The following CCL3L3 variants were observed in gnomAD, a reference collection of about 807,000 sequenced individuals.
The protein encoded by CCL3L3 is C-C motif chemokine ligand 3 like 3.
Under a neutral mutation model 9.0 loss-of-function variants are expected in CCL3L3, and 6 were observed. That is an observed-to-expected ratio of 0.67 (90% CI 0.37 to 1.32). CCL3L3 has a LOEUF of 1.32. Among genes scored for constraint, CCL3L3 ranks in the 40% most tolerant of loss-of-function variants. The pLI, the probability that CCL3L3 is intolerant of heterozygous loss-of-function variation, is 0.02. For synonymous variants in CCL3L3, 38 were observed against 45.7 expected, an observed-to-expected ratio of 0.83 and a Z score of 0.68; for missense variants, 93 against 117.0, an observed-to-expected ratio of 0.79 and a Z score of 0.95.
intron 2 of CCL3L3, 72 bp from the exon 3 acceptor site, chr17:36,195,448 A>C (rs1282991600): frequency 4.6e-6 from 7 of 1,529,174 alleles, no homozygotes; most frequent in Non-Finnish European, 2.7e-6. Flanking sequence ...CATGGCCCTG[A>C]CATCCTGCTC....
At position 36,196,071 on chromosome 17, in the gene CCL3L3, A is replaced by G. The variant is rs1167331873; in HGVS notation, c.77-159T>C. The G allele has an allele frequency of 7.0e-6, 6 of 853,950 alleles. No homozygotes were observed. In the East Asian group the frequency reaches 9.7e-5, roughly 14 times the overall value. 52.9% of individuals were successfully genotyped at this position (853,950 alleles called of 1,614,324 possible). ...GAGAAATGTCTCTTTGTTTCTGTCT[A>G]TATTCCTCTTTCCCCTTGACTCTTC... On this transcript the variant is annotated intron_variant, in intron 1 of 2. Coordinates refer to ENST00000619989, the MANE Select transcript of CCL3L3 (RefSeq NM_001001437.4).
rs866793378 is a variant in CCL3L3, at chr17:36,194,885, A to G, written c.*401T>C. Reference sequence around the variant, plus strand: ...CAATACTGGTTTACCGTTTAAAAGAACATCTTTATTATTTCCCCAGGCCGA... The same window carrying G: ...CAATACTGGTTTACCGTTTAAAAGAGCATCTTTATTATTTCCCCAGGCCGA... On this transcript the variant is annotated 3_prime_UTR_variant, in exon 3 of 3. Coordinates refer to ENST00000619989, the MANE Select transcript of CCL3L3 (RefSeq NM_001001437.4). The G allele has an allele frequency of 6.2e-5, 13 of 210,158 alleles. 2 individuals carry two copies. The highest frequency in any genetic ancestry group is 1.2e-4 in the Non-Finnish European group (11 of 95,586). 13.0% of individuals were successfully genotyped at this position (210,158 alleles called of 1,614,324 possible).
At chr17:36,196,430 C>A in intron 1 of CCL3L3, 168 bp downstream of exon 1, 1 of 898,536 alleles carries the variant, frequency 1.1e-6, no homozygotes, top group Non-Finnish European at 1.8e-6. Flanking sequence ...GGCTAAGACC[C>A]CTTCTAGAGA....
intron 1 of CCL3L3, 31 bp from the exon 2 acceptor site, chr17:36,195,943 C>G: frequency 6.4e-7 from 1 of 1,568,332 alleles, no homozygotes; most frequent in Non-Finnish European, 8.7e-7. Context: ...AAGCCCGAGT[C>G]ACAGCTCAGA....
chr17:36,196,059 TTGTTTC>T, intron 1 of CCL3L3, 147 bp from the exon 2 acceptor site: 1 of 945,664 alleles, frequency 1.1e-6, no homozygotes, highest in Non-Finnish European at 1.7e-6. Context: ...AAATGTCTCT[TTGTTTC>T]TGTCTATATT....
At chr17:36,196,345 C>T (rs1216079756) in intron 1 of CCL3L3, 4 of 688,994 alleles carry the variant, frequency 5.8e-6, no homozygotes, top group Non-Finnish European at 1.1e-5. Flanking sequence ...TCGTTTTGAA[C>T]CCTGTTTTTC....
chr17:36,196,536 GA>G (rs2068622973), intron 1 of CCL3L3, 61 bp downstream of exon 1: 9 of 1,535,880 alleles, frequency 5.9e-6, no homozygotes, highest in Non-Finnish European at 8.1e-6. Flanking sequence ...CACAAAAAAA[GA>G]CTGATGTGGT....
Position 36,195,648 on chromosome 17 carries a change from C to T in CCL3L3, c.191+150G>A, listed in dbSNP as rs2068612909. On this transcript the variant is annotated intron_variant, in intron 2 of 2. Coordinates refer to ENST00000619989, the MANE Select transcript of CCL3L3 (RefSeq NM_001001437.4). ...TGTAACACCCACCTCACTCCAGCCC[C>T]AAGTCAGGTCACACCTCAGTGCCCT... 7.0e-5 allele frequency: 83 copies of T among 1,181,744 alleles called. No homozygotes were observed. In the South Asian group the frequency reaches 1.0e-3, roughly 14 times the overall value. 73.2% of individuals were successfully genotyped at this position (1,181,744 alleles called of 1,614,324 possible).
chr17:36,195,158 CTGTT>C lies in CCL3L3; in HGVS notation c.*124_*127del. On this transcript the variant is annotated 3_prime_UTR_variant, in exon 3 of 3. Coordinates refer to ENST00000619989, the MANE Select transcript of CCL3L3 (RefSeq NM_001001437.4). ...AGTTAAGAAGAGTCCCACAGTGTGGCTGTTTGGCAATAACCAGTCCATAGAAGAG... is the reference window on the plus strand; with the variant it reads ...AGTTAAGAAGAGTCCCACAGTGTGGCTGGCAATAACCAGTCCATAGAAGAG... 1 of 1,068,928 alleles carries C rather than the reference CTGTT, an allele frequency of 9.4e-7. No homozygotes were observed. Among genetic ancestry groups the C allele is most frequent in the Non-Finnish European group, 1.5e-6 (1 of 685,458 alleles). The allele number at this position is 1,068,928 out of a possible 1,614,324, so 66.2% of individuals were successfully genotyped here.
intron 2 of CCL3L3, 112 bp downstream of exon 2, chr17:36,195,686 C>T (rs1321335655): frequency 1.4e-6 from 2 of 1,383,636 alleles, no homozygotes; most frequent in Non-Finnish European, 1.0e-6. Context: ...GTCCTGTATC[C>T]CCGATAGGCT....
In CCL3L3 at chr17:36,195,068, A is replaced by T; in HGVS notation, c.*218T>A. ...GGGGGAACTCTCAGAGCAAACAATC[A>T]CAAACACACTGTGAAATCAAAAATA... is the stretch of plus-strand genomic sequence containing the variant. On this transcript the variant is annotated 3_prime_UTR_variant, in exon 3 of 3. Transcript: ENST00000619989. 3.7e-6 allele frequency: 2 copies of T among 547,410 alleles called. No homozygotes were observed. The highest frequency in any genetic ancestry group is 3.3e-5 in the Admixed American group (1 of 29,882). The allele number at this position is 547,410 out of a possible 1,614,324, so 33.9% of individuals were successfully genotyped here. A position where few individuals can be genotyped will look rare whatever the true frequency, so the allele number is the denominator to read the frequency against.
intron 1 of CCL3L3, chr17:36,196,201 A>C (rs1278775493): frequency 9.5e-6 from 6 of 631,910 alleles, no homozygotes; most frequent in African/African-American, 3.5e-5. Context: ...ACCCCAGCCC[A>C]AGAGAAGCCC....
intron 2 of CCL3L3, 136 bp downstream of exon 2, chr17:36,195,662 C>T (rs1187304110): frequency 7.2e-6 from 9 of 1,257,958 alleles, no homozygotes; most frequent in South Asian, 2.4e-5. Context: ...TCAGGTCACA[C>T]CTCAGTGCCC....
Position 36,195,222 on chromosome 17 carries a change from T to G in CCL3L3, c.*64A>C, listed in dbSNP as rs1179498915. 2 of 1,527,742 alleles carry G rather than the reference T, an allele frequency of 1.3e-6. No homozygotes were observed. Among genetic ancestry groups the G allele is most frequent in the Non-Finnish European group, 1.8e-6 (2 of 1,107,206 alleles). 94.6% of individuals were successfully genotyped at this position (1,527,742 alleles called of 1,614,324 possible). A position where few individuals can be genotyped will look rare whatever the true frequency, so the allele number is the denominator to read the frequency against. On this transcript the variant is annotated 3_prime_UTR_variant, in exon 3 of 3. Coordinates refer to ENST00000619989, the MANE Select transcript of CCL3L3 (RefSeq NM_001001437.4). ...GAGGTCACACGCATGTTCCCAAGGC[T>G]CAGGCTCCTGCTCCTCCCCACTGGG...
intron 2 of CCL3L3, chr17:36,195,587 C>T (rs2277661): frequency 0.8 from 796,432 of 998,996 alleles, 311,279 homozygotes; most frequent in Middle Eastern, 0.83. Flanking sequence ...TTCTTCCTGT[C>T]CCTTTCCTCT....
rs1263453806 is a variant in CCL3L3 at position 36,196,366 on chromosome 17, A to G, written c.76+232T>C. The G allele has an allele frequency of 5.6e-6, 4 of 708,706 alleles. No individual in the cohort carries two copies. In the African/African-American group the frequency reaches 6.6e-5, roughly 12 times the overall value. 43.9% of individuals were successfully genotyped at this position (708,706 alleles called of 1,614,324 possible). ...TGAACCCTGTTTTTCTATCTGTACA[A>G]GGGACTGTAACTCCCCTGCCCCTGC... On this transcript the variant is annotated intron_variant, in intron 1 of 2. Coordinates refer to ENST00000619989, the MANE Select transcript of CCL3L3 (RefSeq NM_001001437.4).
chr17:36,195,023 G>C lies in CCL3L3; in HGVS notation c.*263C>G. The stretch of plus-strand genomic sequence containing the variant: ...ACTCGGTTGTCACCAGACACACTGT[G>C]AGGGAAGGTGGAGGGGACAGGGGGA... On this transcript the variant is annotated 3_prime_UTR_variant, in exon 3 of 3. Coordinates refer to ENST00000619989, the MANE Select transcript of CCL3L3 (RefSeq NM_001001437.4). 2.2e-6 allele frequency: 1 copy of C among 445,512 alleles called. No homozygotes were observed. The highest frequency in any genetic ancestry group is 3.2e-5 in the East Asian group (1 of 31,506). 27.6% of individuals were successfully genotyped at this position (445,512 alleles called of 1,614,324 possible).
chr17:36,196,529 A>T, intron 1 of CCL3L3, 69 bp downstream of exon 1: 1 of 1,525,056 alleles, frequency 6.6e-7, no homozygotes, highest in Non-Finnish European at 9.0e-7. Context: ...CTCAGGCCAC[A>T]AAAAAAGACT....
chr17:36,196,034 G>C (rs1276631751), intron 1 of CCL3L3, 122 bp from the exon 2 acceptor site: 1 of 1,116,498 alleles, frequency 9.0e-7, no homozygotes, highest in African/African-American at 1.4e-5. Flanking sequence ...AAGGCATTTG[G>C]GGGGTTTTGC....
Sources: gnomAD v4.1 joint callset for allele counts on GRCh38, gnomAD v4.1.1 for gene constraint, MANE v1.5 for transcripts, NCBI Gene and HGNC (gene_info 2026-07-23, HGNC 2026-07-21) for gene names.